TOX: variants seen among roughly 807,000 people sequenced by gnomAD.
TOX encodes thymocyte selection-associated high mobility group box protein TOX.
Under a neutral mutation model 53.7 loss-of-function variants are expected in TOX, and 11 were observed. That is an observed-to-expected ratio of 0.20 (90% CI 0.13 to 0.34). The LOEUF is 0.34. Among genes scored for constraint, TOX ranks in the 10% least tolerant of loss-of-function variants. The pLI, the probability that TOX is intolerant of heterozygous loss-of-function variation, is 1.00. For missense variants in TOX, 570 were observed against 664.6 expected, an observed-to-expected ratio of 0.86 and a Z score of 1.56; for synonymous variants, 225 against 245.3, an observed-to-expected ratio of 0.92 and a Z score of 0.77.
At chr8:58,962,025 G>A (rs957821882) in intron 1 of TOX, among the ~76,000 whole-genome samples, 2 of 152,196 alleles carry the variant, frequency 1.3e-5, no homozygotes, top group Non-Finnish European at 2.9e-5. Flanking sequence ...AAACTAAACC[G>A]AAGAAGTGGA....
At chr8:58,861,638 A>C (rs1350901784) in intron 3 of TOX, among the ~76,000 whole-genome samples, 1 of 152,180 alleles carries the variant, frequency 6.6e-6, no homozygotes, top group Non-Finnish European at 1.5e-5. Flanking sequence ...AGTGTAGGTT[A>C]AGTAATAAGA....
chr8:58,903,231 GT>G (rs1175125525), intron 3 of TOX, among the ~76,000 whole-genome samples: 1 of 152,178 alleles, frequency 6.6e-6, no homozygotes, highest in Non-Finnish European at 1.5e-5. Flanking sequence ...TTAAGCAAAT[GT>G]TCTAAGATGG....
At chr8:59,038,223 T>G (rs2129420505) in intron 1 of TOX, among the ~76,000 whole-genome samples, 1 of 152,342 alleles carries the variant, frequency 6.6e-6, no homozygotes, top group African/African-American at 2.4e-5. Flanking sequence ...AACATATCAT[T>G]TTTCTATAAA....
At chr8:58,996,613 G>A (rs1228478452) in intron 1 of TOX, among the ~76,000 whole-genome samples, 5 of 152,064 alleles carry the variant, frequency 3.3e-5, no homozygotes, top group African/African-American at 7.2e-5. Flanking sequence ...GTACCTTTAT[G>A]TTGTTTTGAT....
At chr8:59,014,412 C>T (rs914165205) in intron 1 of TOX, among the ~76,000 whole-genome samples, 40 of 152,208 alleles carry the variant, frequency 2.6e-4, no homozygotes, top group Admixed American at 1.5e-3. Flanking sequence ...CATCTGTTTT[C>T]ATACTGAGTG....
chr8:59,030,376 T>C (rs1342233879), intron 1 of TOX, among the ~76,000 whole-genome samples: 1 of 152,240 alleles, frequency 6.6e-6, no homozygotes, highest in Non-Finnish European at 1.5e-5. Flanking sequence ...CACTGCACAG[T>C]TGCTGCTAAA....
chr8:59,098,424 C>CT (rs3214834), intron 1 of TOX, among the ~76,000 whole-genome samples: 3,806 of 142,278 alleles, frequency 0.027, 69 homozygotes, highest in African/African-American at 0.044. Context: ...GAATAAACTT[C>CT]TTTTTTTTTT....
intron 3 of TOX, among the ~76,000 whole-genome samples, chr8:58,925,282 T>C (rs1321451112): frequency 1.3e-5 from 2 of 152,228 alleles, no homozygotes; most frequent in East Asian, 3.8e-4. Flanking sequence ...AAAATTGCAT[T>C]GTTTTTATGA....
intron 1 of TOX, among the ~76,000 whole-genome samples, chr8:58,999,668 A>G (rs1367756179): frequency 2.6e-5 from 4 of 152,210 alleles, no homozygotes; most frequent in Non-Finnish European, 4.4e-5. Flanking sequence ...GCAGAACTCT[A>G]TGTGTGACAA....
intron 3 of TOX, among the ~76,000 whole-genome samples, chr8:58,891,690 A>G (rs1311170412): frequency 1.3e-5 from 2 of 152,232 alleles, no homozygotes; most frequent in African/African-American, 4.8e-5. Context: ...ATGAAATGAA[A>G]GTTAAGCTCC....
intron 1 of TOX, among the ~76,000 whole-genome samples, chr8:59,114,418 T>TA (rs2129425161): frequency 6.6e-6 from 1 of 152,280 alleles, no homozygotes; most frequent in Non-Finnish European, 1.5e-5. Flanking sequence ...ATTTGAAACT[T>TA]TTCTATAATA....
At chr8:59,028,323 C>T (rs1414067400) in intron 1 of TOX, among the ~76,000 whole-genome samples, 3 of 151,740 alleles carry the variant, frequency 2.0e-5, no homozygotes, top group Admixed American at 6.6e-5. Context: ...GGCTATAATA[C>T]GAGCTACAAA....
chr8:58,836,720 T>C (rs1366864052), intron 5 of TOX, among the ~76,000 whole-genome samples: 1 of 152,186 alleles, frequency 6.6e-6, no homozygotes, highest in African/African-American at 2.4e-5. Context: ...ATTATCCCCA[T>C]CATTAATTTC....
Position 58,915,794 on chromosome 8 carries a change from G to A in TOX, c.411+23508C>T, listed in dbSNP as rs1056259278. Among the ~76,000 whole-genome samples the A allele has an allele frequency of 7.3e-5, 11 of 151,128 alleles. No homozygotes were observed. The South Asian group carries it at 8.4e-4, about 12-fold the overall frequency. ...ATTCAAACCAAAGGCAAAGAAGTTGGAAACTTTGAAAAAAATTTAGAAGAA... is the reference window on the plus strand; with the variant it reads ...ATTCAAACCAAAGGCAAAGAAGTTGAAAACTTTGAAAAAAATTTAGAAGAA... On this transcript the variant is annotated intron_variant, in intron 3 of 8. Coordinates refer to ENST00000361421, the MANE Select transcript of TOX (RefSeq NM_014729.3).
At chr8:59,024,120 A>T (rs1424766974) in intron 1 of TOX, among the ~76,000 whole-genome samples, 1 of 152,196 alleles carries the variant, frequency 6.6e-6, no homozygotes, top group Non-Finnish European at 1.5e-5. Flanking sequence ...TCTCTCTCGC[A>T]CTGGATTATA....
intron 5 of TOX, among the ~76,000 whole-genome samples, chr8:58,828,864 T>C (rs756524336): frequency 3.9e-5 from 6 of 152,320 alleles, no homozygotes; most frequent in East Asian, 1.9e-4. Context: ...CCCATACAGA[T>C]AGAAATCCTA....
At chr8:58,959,167 G>A (rs901194596) in intron 2 of TOX, among the ~76,000 whole-genome samples, 8 of 152,090 alleles carry the variant, frequency 5.3e-5, no homozygotes, top group South Asian at 2.1e-4. Context: ...TCACTTATTC[G>A]TTTATTTATT....
intron 3 of TOX, among the ~76,000 whole-genome samples, chr8:58,908,725 C>A (rs1811861824): frequency 6.6e-6 from 1 of 152,180 alleles, no homozygotes; most frequent in African/African-American, 2.4e-5. Context: ...CAATGTCTAG[C>A]TTAGCCCCTG....
At chr8:58,837,650 C>T (rs903878617) in intron 5 of TOX, among the ~76,000 whole-genome samples, 4 of 152,082 alleles carry the variant, frequency 2.6e-5, no homozygotes, top group Non-Finnish European at 5.9e-5. Context: ...TGGCTAGGGG[C>T]GGAAACCCTT....
Sources: allele counts gnomAD v4.1 joint callset (sites outside exome capture counted in the v4.1 genomes callset), GRCh38; gene constraint gnomAD v4.1.1; transcripts MANE v1.5; gene names NCBI Gene and HGNC (gene_info 2026-07-23, HGNC 2026-07-21).